Variants in PPWD1 observed in about 807,000 individuals in gnomAD.
PPWD1 encodes the protein peptidylprolyl isomerase domain and WD repeat containing 1.
PPWD1 carries 43 observed loss-of-function variants against 68.8 expected under a neutral mutation model. That is an observed-to-expected ratio of 0.62 (90% CI 0.49 to 0.81). PPWD1 has a LOEUF of 0.81. Among genes scored for constraint, PPWD1 ranks in the 30% least tolerant of loss-of-function variants. The probability of loss-of-function intolerance (pLI) is 0.00; values close to 1 mark genes in which losing one functional copy is unlikely to be tolerated. For missense variants in PPWD1, 672 were observed against 804.8 expected, an observed-to-expected ratio of 0.83 and a Z score of 2.00; for synonymous variants, 232 against 258.7, an observed-to-expected ratio of 0.90 and a Z score of 0.99.
chr5:65,577,498 C>T (rs1164123110), intron 6 of PPWD1, among the ~76,000 whole-genome samples: 2 of 152,022 alleles, frequency 1.3e-5, no homozygotes, highest in African/African-American at 4.8e-5. Context: ...TCCATTTGGT[C>T]TTAGTACAAA....
intron 1 of PPWD1, 149 bp downstream of exon 1, chr5:65,563,655 C>T (rs1023194573): frequency 7.5e-7 from 1 of 1,329,658 alleles, no homozygotes; most frequent in South Asian, 1.3e-5. Flanking sequence ...TCCATACTTG[C>T]ATGTCTTAAC....
chr5:65,571,663 A>C, intron 4 of PPWD1, 176 bp from the exon 5 acceptor site: 2 of 747,822 alleles, frequency 2.7e-6, no homozygotes, highest in South Asian at 1.2e-4. Context: ...AGAAAGAGAA[A>C]AAATAAGTAA....
intron 8 of PPWD1, 41 bp from the exon 9 acceptor site, chr5:65,584,973 G>A (rs1753764197): frequency 6.3e-7 from 1 of 1,597,138 alleles, no homozygotes; most frequent in South Asian, 1.1e-5. Context: ...GTTTTAAGAT[G>A]CTCTGAATAG....
chr5:65,563,607 C>T (rs1313419156), intron 1 of PPWD1, 101 bp downstream of exon 1: 2 of 1,437,374 alleles, frequency 1.4e-6, no homozygotes, highest in East Asian at 2.5e-5. Flanking sequence ...GAGTTTTGTG[C>T]CCTCAGAACA....
rs371309223 is a variant in PPWD1 at position 65,563,376 on chromosome 5, G to A, written c.66G>A (p.Pro22=). 3.8e-5 allele frequency: 62 copies of A among 1,614,002 alleles called. No individual in the cohort carries two copies. Among genetic ancestry groups the A allele is most frequent in the Non-Finnish European group, 5.2e-5 (61 of 1,180,026 alleles). Residue 22 remains proline (P), a synonymous_variant, in exon 1 of 11, where the codon CCG becomes CCA. Transcript: ENST00000261308. ...GAAGGCGCCGGGACCCGGAGGAACCGGAAAAAACAGAACTCAGCGAAAGAG... is the reference window on the plus strand; with the variant it reads ...GAAGGCGCCGGGACCCGGAGGAACCAGAAAAAACAGAACTCAGCGAAAGAG... ...RRRRRRDPEE[P]EKTELSEREL...
chr5:65,563,690 A>G (rs1208967701), intron 1 of PPWD1, 184 bp downstream of exon 1: 8 of 1,369,744 alleles, frequency 5.8e-6, no homozygotes, highest in Non-Finnish European at 8.0e-6. Context: ...AGCGTAGTAC[A>G]ACGTCTTTTT....
chr5:65,576,972 G>A lies in PPWD1; in HGVS notation c.1063G>A (p.Ala355Thr), dbSNP rs1472411839. 1 of 1,614,164 alleles carries A rather than the reference G, an allele frequency of 6.2e-7. No individual in the cohort carries two copies. The highest frequency in any genetic ancestry group is 8.5e-7 in the Non-Finnish European group (1 of 1,180,002). ...AVERELEKVD[A>T]VRLINIVFDE... The stretch of plus-strand genomic sequence containing the variant: ...AGAACGTGAGTTGGAGAAGGTTGAT[G>A]CTGTAAGATTAATTAATATAGTTTT... The change falls in exon 6 of 11, where the codon GCT (alanine) becomes ACT (threonine). Residue 355 changes from alanine to threonine, a missense_variant. Ala to Thr is a moderately conservative substitution (Grantham distance 58, BLOSUM62 0). This residue lies in a region of PPWD1 where 484 missense variants were observed against 646.2 expected (regional missense o/e 0.75). Coordinates refer to ENST00000261308, the MANE Select transcript of PPWD1 (RefSeq NM_015342.4).
At chr5:65,583,315 AC>A in intron 8 of PPWD1, 96 bp downstream of exon 8, 2 of 1,244,630 alleles carry the variant, frequency 1.6e-6, no homozygotes, top group Non-Finnish European at 2.1e-6. Flanking sequence ...CGTTACTTTG[AC>A]TTAAGGAATT....
At chr5:65,572,715 C>A (rs567648083) in intron 5 of PPWD1, among the ~76,000 whole-genome samples, 2 of 152,132 alleles carry the variant, frequency 1.3e-5, no homozygotes, top group Non-Finnish European at 2.9e-5. Context: ...CAGTATCCAT[C>A]TAGTTGCTCA....
chr5:65,565,651 CA>C (rs1469126281), intron 1 of PPWD1, among the ~76,000 whole-genome samples: 2 of 151,438 alleles, frequency 1.3e-5, no homozygotes, highest in African/African-American at 2.4e-5. Flanking sequence ...ACTAAAAATA[CA>C]AAAAAATTAG....
At chr5:65,563,707 A>G in intron 1 of PPWD1, 1 of 1,397,190 alleles carries the variant, frequency 7.2e-7, no homozygotes, top group South Asian at 1.2e-5. Flanking sequence ...TTTTGATAAT[A>G]TCTAACACTT....
At chr5:65,575,822 C>T (rs13161135) in intron 5 of PPWD1, among the ~76,000 whole-genome samples, 5,370 of 152,324 alleles carry the variant, frequency 0.035, 157 homozygotes, top group Middle Eastern at 0.092. Context: ...ATGGTAATCT[C>T]ACTGCCCTGT....
chr5:65,568,932 T>TA, intron 2 of PPWD1: 1 of 455,880 alleles, frequency 2.2e-6, no homozygotes, highest in Non-Finnish European at 4.4e-6. Context: ...TGGAAGGTAA[T>TA]ACAGAGAATA....
Position 65,579,629 on chromosome 5 carries a change from A to AG in PPWD1, c.1350+18dup. 2 of 1,468,546 alleles carry AG rather than the reference A, an allele frequency of 1.4e-6. No individual in the cohort carries two copies. The highest frequency in any genetic ancestry group is 1.8e-6 in the Non-Finnish European group (2 of 1,104,648). The allele number at this position is 1,468,546 out of a possible 1,614,324, so 91.0% of individuals were successfully genotyped here. ...ATTTTATATGGTATGTGTAAGTACT[A>AG]GGAGATTAGACGGTAATGTTCCTTC... On this transcript the variant is annotated intron_variant, in intron 7 of 10. Coordinates refer to ENST00000261308, the MANE Select transcript of PPWD1 (RefSeq NM_015342.4).
rs564820233 is a variant in PPWD1 at position 65,585,854 on chromosome 5, T to A, written c.1615-145T>A. On this transcript the variant is annotated intron_variant, in intron 9 of 10. Coordinates refer to ENST00000261308, the MANE Select transcript of PPWD1 (RefSeq NM_015342.4). ...GGGCAATGGAAATACATCATCCAAA[T>A]TTAAGTGTTAAGGGTTTAATCAAAT... 1.0e-5 allele frequency: 13 copies of A among 1,258,760 alleles called. No homozygotes were observed. The East Asian group carries it at 3.5e-4, about 34-fold the overall frequency. 78.0% of individuals were successfully genotyped at this position (1,258,760 alleles called of 1,614,324 possible). A position where few individuals can be genotyped will look rare whatever the true frequency, so the allele number is the denominator to read the frequency against.
In PPWD1 at chr5:65,567,556, A is replaced by G. The variant is rs1752833263; in HGVS notation, c.240A>G (p.Ala80=). The change falls in exon 2 of 11, where the codon GCA becomes GCG. Residue 80 remains alanine, a synonymous_variant. Coordinates refer to ENST00000261308, the MANE Select transcript of PPWD1 (RefSeq NM_015342.4). The part of the protein sequence containing the change: ...ERVYLDNLPS[A]SMYERSYMHR... ...TCTATCTTGATAATCTCCCCAGTGC[A>G]TCCATGTATGAGCGCAGTTACATGC... 2 of 1,612,680 alleles carry G rather than the reference A, an allele frequency of 1.2e-6. No homozygotes were observed.
In PPWD1 at chr5:65,567,631, C is replaced by CT; in HGVS notation, c.299+22dup. The CT allele has an allele frequency of 6.5e-7, 1 of 1,537,134 alleles. No individual in the cohort carries two copies. Among genetic ancestry groups the CT allele is most frequent in the Non-Finnish European group, 8.8e-7 (1 of 1,142,562 alleles). The stretch of plus-strand genomic sequence containing the variant: ...TATGCACCAAGTAAGTCTATCACAT[C>CT]TTTTTTACTTTGTTCTGAGTTTATT... On this transcript the variant is annotated intron_variant, in intron 2 of 10. Coordinates refer to ENST00000261308, the MANE Select transcript of PPWD1 (RefSeq NM_015342.4).
At chr5:65,584,952 C>A in intron 8 of PPWD1, 62 bp from the exon 9 acceptor site, 1 of 1,560,120 alleles carries the variant, frequency 6.4e-7, no homozygotes, top group Admixed American at 1.9e-5. Flanking sequence ...AGCAGAACTG[C>A]AAAGAAAACT....
chr5:65,572,610 C>G (rs962570270), intron 5 of PPWD1, among the ~76,000 whole-genome samples: 11 of 152,144 alleles, frequency 7.2e-5, no homozygotes, highest in African/African-American at 2.4e-4. Context: ...TCTTTATTCA[C>G]TCCTGTCCCT....
Sources: allele counts gnomAD v4.1 joint callset (sites outside exome capture counted in the v4.1 genomes callset), GRCh38; gene constraint gnomAD v4.1.1; regional missense constraint gnomAD v4.1.1; transcripts MANE v1.5; gene names NCBI Gene and HGNC (gene_info 2026-07-23, HGNC 2026-07-21).